The following DNM3 variants were observed in gnomAD, a reference collection of about 807,000 sequenced individuals.
DNM3 encodes dynamin 3.
DNM3 carries 47 observed loss-of-function variants against 101.6 expected under a neutral mutation model. That is an observed-to-expected ratio of 0.46 (90% CI 0.37 to 0.59). The LOEUF (loss-of-function observed/expected upper bound fraction) is 0.59. Ranked by LOEUF, DNM3 falls within the 20% of genes least tolerant of loss-of-function variation. The pLI is 0.00. For synonymous variants in DNM3, 385 were observed against 387.9 expected, an observed-to-expected ratio of 0.99 and a Z score of 0.09; for missense variants, 849 against 1,085.7, an observed-to-expected ratio of 0.78 and a Z score of 3.06.
chr1:172,161,066 G>A (rs1049648024), intron 14 of DNM3, among the ~76,000 whole-genome samples: 25 of 151,904 alleles, frequency 1.6e-4, no homozygotes, highest in African/African-American at 5.8e-4. Flanking sequence ...TATTAACTTT[G>A]GTCCGATGGC....
chr1:172,253,157 T>C (rs893248339), intron 14 of DNM3, among the ~76,000 whole-genome samples: 9 of 152,076 alleles, frequency 5.9e-5, no homozygotes, highest in Admixed American at 3.9e-4. Flanking sequence ...GACCAGAACA[T>C]TTTTGTTAAA....
chr1:172,031,336 T>C (rs1356269521), intron 4 of DNM3, among the ~76,000 whole-genome samples: 1 of 151,978 alleles, frequency 6.6e-6, no homozygotes, highest in Non-Finnish European at 1.5e-5. Context: ...CACTCATAAG[T>C]GGGAGTTGAA....
intron 13 of DNM3, among the ~76,000 whole-genome samples, chr1:172,099,801 C>A (rs1265511184): frequency 6.6e-6 from 1 of 152,110 alleles, no homozygotes; most frequent in Non-Finnish European, 1.5e-5. Context: ...AGATAACAGA[C>A]ACTGGAGGGA....
At chr1:172,131,687 T>C (rs1326463373) in intron 14 of DNM3, 2 of 259,026 alleles carry the variant, frequency 7.7e-6, no homozygotes, top group African/African-American at 4.6e-5. Context: ...GCACAGTTAA[T>C]AAAGCATGTT....
At chr1:172,227,030 C>G (rs571312114) in intron 14 of DNM3, among the ~76,000 whole-genome samples, 4 of 151,446 alleles carry the variant, frequency 2.6e-5, no homozygotes, top group African/African-American at 9.7e-5. Flanking sequence ...TGTACCAGTA[C>G]GTAGTTTTTC....
At chr1:172,143,922 A>G (rs760222936) in intron 14 of DNM3, among the ~76,000 whole-genome samples, 1 of 152,114 alleles carries the variant, frequency 6.6e-6, no homozygotes, top group Non-Finnish European at 1.5e-5. Flanking sequence ...TACAGAAGGA[A>G]ATCTTCAGAA....
intron 1 of DNM3, among the ~76,000 whole-genome samples, chr1:171,906,586 C>T (rs2038855633): frequency 6.6e-6 from 1 of 152,048 alleles, no homozygotes; most frequent in South Asian, 2.1e-4. Context: ...CTTGAGTCTA[C>T]TATTTTTGTT....
rs1056555736 is a variant in DNM3, at chr1:172,222,909, A to G, written c.1660-30664A>G. Among the ~76,000 whole-genome samples the G allele has an allele frequency of 9.9e-5, 15 of 152,160 alleles. 1 individual carries two copies. The South Asian group carries it at 3.1e-3, about 32-fold the overall frequency. On this transcript the variant is annotated intron_variant, in intron 14 of 20. Transcript: ENST00000627582. ...GTATGTATGATTCTTGTCCTTCTCT[A>G]TTATCAGTTTCTTTTTAAATTTTTT...
chr1:172,201,183 G>A (rs1405279109), intron 14 of DNM3, among the ~76,000 whole-genome samples: 1 of 152,146 alleles, frequency 6.6e-6, no homozygotes, highest in East Asian at 1.9e-4. Context: ...CCAGCAGGTG[G>A]CACTTAGGCT....
At chr1:171,931,418 A>G (rs1159722418) in intron 2 of DNM3, among the ~76,000 whole-genome samples, 2 of 152,202 alleles carry the variant, frequency 1.3e-5, no homozygotes, top group Admixed American at 6.5e-5. Flanking sequence ...GGCCCTGAGG[A>G]TATAAAAGTG....
intron 14 of DNM3, chr1:172,132,799 A>G (rs2057010021): frequency 5.8e-6 from 4 of 693,416 alleles, no homozygotes; most frequent in African/African-American, 5.3e-5. Flanking sequence ...CTTAACTACT[A>G]CTATCCCTAT....
At chr1:172,284,018 T>A (rs1196168159) in intron 15 of DNM3, among the ~76,000 whole-genome samples, 1 of 152,144 alleles carries the variant, frequency 6.6e-6, no homozygotes, top group Non-Finnish European at 1.5e-5. Flanking sequence ...TTTTATATAT[T>A]GTTTTTGCTT....
intron 2 of DNM3, among the ~76,000 whole-genome samples, chr1:171,927,187 A>C (rs1015243364): frequency 6.6e-6 from 1 of 152,254 alleles, no homozygotes; most frequent in East Asian, 1.9e-4. Context: ...CTACTAAACT[A>C]TGTTAGCAAG....
At chr1:172,301,335 C>T (rs1256469601) in intron 15 of DNM3, among the ~76,000 whole-genome samples, 1 of 152,012 alleles carries the variant, frequency 6.6e-6, no homozygotes, top group Non-Finnish European at 1.5e-5. Context: ...GACCTTGTCT[C>T]TACTAAAAAT....
intron 10 of DNM3, among the ~76,000 whole-genome samples, chr1:172,068,194 G>A (rs1171660977): frequency 1.3e-5 from 2 of 152,152 alleles, no homozygotes; most frequent in East Asian, 1.9e-4. Flanking sequence ...TGAGCTTGGT[G>A]GCACGTGCCT....
chr1:172,191,690 G>C (rs567168), intron 14 of DNM3, among the ~76,000 whole-genome samples: 6 of 151,810 alleles, frequency 4.0e-5, no homozygotes, highest in Non-Finnish European at 7.4e-5. Flanking sequence ...CTTTTATTTC[G>C]TTGAGCAGTG....
intron 14 of DNM3, among the ~76,000 whole-genome samples, chr1:172,231,672 T>C (rs976466598): frequency 1.3e-5 from 2 of 152,070 alleles, no homozygotes; most frequent in Non-Finnish European, 2.9e-5. Flanking sequence ...TTCGAACCCA[T>C]GGCAAAGAAA....
intron 11 of DNM3, among the ~76,000 whole-genome samples, chr1:172,079,479 A>C (rs1313279834): frequency 1.3e-5 from 2 of 151,920 alleles, no homozygotes; most frequent in Admixed American, 1.3e-4. Flanking sequence ...CAGGTCATTT[A>C]TATTCTTCTC....
chr1:172,265,264 G>T (rs1185480711), intron 15 of DNM3, among the ~76,000 whole-genome samples: 1 of 151,882 alleles, frequency 6.6e-6, no homozygotes, highest in Non-Finnish European at 1.5e-5. Context: ...AAAAAAAAAG[G>T]CTTCGGTGTC....
Sources: allele counts gnomAD v4.1 joint callset (sites outside exome capture counted in the v4.1 genomes callset), GRCh38; gene constraint gnomAD v4.1.1; transcripts MANE v1.5; gene names NCBI Gene and HGNC (gene_info 2026-07-23, HGNC 2026-07-21).